Variants in MICAL3 observed in about 807,000 individuals in gnomAD.
MICAL3 encodes the protein [F-actin]-monooxygenase MICAL3.
In MICAL3, 62 loss-of-function variants were observed where a neutral mutation model predicts 207.4. The observed-to-expected ratio is 0.30, with a 90% CI of 0.24 to 0.37. MICAL3 has a LOEUF of 0.37. Among genes scored for constraint, MICAL3 ranks in the 10% least tolerant of loss-of-function variants. The pLI, the probability that MICAL3 is intolerant of heterozygous loss-of-function variation, is 1.00. For missense variants in MICAL3, 2,368 were observed against 2,635.6 expected (o/e 0.90, Z 2.22); for synonymous variants, 1,077 against 1,069.3 (o/e 1.01, Z -0.14).
intron 27 of MICAL3, 59 bp from the exon 28 acceptor site, chr22:17,810,872 G>A (rs1195499151): frequency 7.2e-7 from 1 of 1,397,966 alleles, no homozygotes; most frequent in Non-Finnish European, 1.0e-6. Flanking sequence ...GACAGGGGTG[G>A]GCAGCAGGCC....
At chr22:18,003,420 C>A (rs1001613911) in intron 1 of MICAL3, among the ~76,000 whole-genome samples, 3 of 152,098 alleles carry the variant, frequency 2.0e-5, no homozygotes, top group African/African-American at 7.2e-5. Context: ...ATTAATAATT[C>A]ATTCACCCAA....
intron 20 of MICAL3, among the ~76,000 whole-genome samples, chr22:17,834,724 T>C (rs1055146884): frequency 6.6e-6 from 1 of 152,186 alleles, no homozygotes; most frequent in African/African-American, 2.4e-5. Context: ...CACGGAAAAC[T>C]TGGCATCTGG....
intron 19 of MICAL3, 158 bp from the exon 20 acceptor site, chr22:17,842,175 G>C: frequency 1.5e-6 from 1 of 669,076 alleles, no homozygotes; most frequent in South Asian, 1.9e-5. Context: ...GAAGGACCCT[G>C]GCATGTGAGA....
chr22:17,813,503 G>A (rs1029515375), intron 27 of MICAL3: 1 of 152,216 alleles, frequency 6.6e-6, no homozygotes, highest in African/African-American at 2.4e-5. Context: ...GCCTGCCTCA[G>A]GTGGACCCAC....
In MICAL3 at chr22:17,817,274, C is replaced by A. The variant is rs45526240; in HGVS notation, c.5350+37G>T. Reference sequence around the variant, plus strand: ...GACCCCAGCCCCTCCCGCACCCCTCCCGCTCTGCCTGCACGCGGACCCGGC... The same window carrying A: ...GACCCCAGCCCCTCCCGCACCCCTCACGCTCTGCCTGCACGCGGACCCGGC... On this transcript the variant is annotated intron_variant, in intron 26 of 31. Coordinates refer to ENST00000441493, the MANE Select transcript of MICAL3 (RefSeq NM_015241.3). 5,251 of 1,540,458 alleles carry A rather than the reference C, an allele frequency of 3.4e-3. 18 individuals are homozygous for A. The highest frequency in any genetic ancestry group is 3.6e-3 in the Non-Finnish European group (4,157 of 1,143,330).
At position 18,020,613 on chromosome 22, in the gene MICAL3, TAAA is replaced by T. The variant is rs55654559; in HGVS notation, c.-75+3665_-75+3667del. 1.9e-3 allele frequency among the ~76,000 whole-genome samples: 223 copies of T among 119,734 alleles called. 2 individuals carry two copies. The highest frequency in any genetic ancestry group is 6.9e-3 in the African/African-American group (210 of 30,218). 78.6% of individuals were successfully genotyped at this position (119,734 alleles called of 152,430 possible). A position where few individuals can be genotyped will look rare whatever the true frequency, so the allele number is the denominator to read the frequency against. ...AAAATGGCTGTAAACCTTTAAAAAG[TAAA>T]AAAAAAAAAAAAAAAATAGGCTGGG... On this transcript the variant is annotated intron_variant, in intron 1 of 31. Coordinates refer to ENST00000441493, the MANE Select transcript of MICAL3 (RefSeq NM_015241.3).
chr22:17,948,744 C>CA lies in MICAL3; in HGVS notation c.-74-41859dup, dbSNP rs1218818762. Among the ~76,000 whole-genome samples the CA allele has an allele frequency of 3.3e-5, 5 of 151,642 alleles. No individual in the cohort carries two copies. In the East Asian group the frequency reaches 5.8e-4, roughly 18 times the overall value. On this transcript the variant is annotated intron_variant, in intron 1 of 31. Transcript: ENST00000441493. ...CATGGTGAGTGAGACCCCGTCTTCACAAAAAAATACAAAAATGAGCTGTGC... is the reference window on the plus strand; with the variant it reads ...CATGGTGAGTGAGACCCCGTCTTCACAAAAAAAATACAAAAATGAGCTGTGC...
At chr22:17,842,361 C>T (rs957878440) in intron 19 of MICAL3, 7 of 260,362 alleles carry the variant, frequency 2.7e-5, no homozygotes, top group Non-Finnish European at 3.7e-5. Flanking sequence ...AGCCAGGTGC[C>T]CCTGAAGCAG....
chr22:17,901,783 G>A, intron 5 of MICAL3, 95 bp downstream of exon 5: 4 of 858,290 alleles, frequency 4.7e-6, no homozygotes, highest in Non-Finnish European at 7.2e-6. Flanking sequence ...GCTCTCAAAA[G>A]GGTGGACGCT....
At chr22:17,953,820 A>G (rs1241488184) in intron 1 of MICAL3, among the ~76,000 whole-genome samples, 2 of 151,446 alleles carry the variant, frequency 1.3e-5, no homozygotes, top group Admixed American at 1.3e-4. Context: ...AATCCTAGCT[A>G]TTTGAGAGGC....
At chr22:17,827,836 A>T (rs1476076073) in intron 21 of MICAL3, 55 bp from the exon 22 acceptor site, 8 of 1,502,076 alleles carry the variant, frequency 5.3e-6, no homozygotes. Flanking sequence ...AGGGGATGAA[A>T]TAGCATGGGA....
intron 28 of MICAL3, among the ~76,000 whole-genome samples, chr22:17,810,047 CCTGG>C (rs1308095971): frequency 6.3e-5 from 9 of 142,922 alleles, no homozygotes; most frequent in Admixed American, 3.5e-4. Context: ...CGCCACTATG[CCTGG>C]CTATTTTTTT....
intron 11 of MICAL3, 88 bp downstream of exon 11, chr22:17,893,720 C>T: frequency 1.0e-6 from 1 of 1,003,922 alleles, no homozygotes; most frequent in South Asian, 1.4e-5. Flanking sequence ...CGGCCACTGC[C>T]TCGGACCGCA....
chr22:17,932,088 T>C (rs1225037002), intron 1 of MICAL3, among the ~76,000 whole-genome samples: 2 of 152,072 alleles, frequency 1.3e-5, no homozygotes, highest in African/African-American at 2.4e-5. Flanking sequence ...CTTAGAATAG[T>C]AGGAGAGGCC....
chr22:17,998,806 C>T (rs951373938), intron 1 of MICAL3, among the ~76,000 whole-genome samples: 1 of 152,098 alleles, frequency 6.6e-6, no homozygotes. Flanking sequence ...GCCCGCCTGG[C>T]CTCCCAAAGT....
chr22:17,925,946 T>C (rs1602230545), intron 1 of MICAL3, among the ~76,000 whole-genome samples: 2 of 152,288 alleles, frequency 1.3e-5, no homozygotes, highest in African/African-American at 4.8e-5. Context: ...AAACATTTTC[T>C]AAATCACTGA....
At chr22:17,999,976 TGA>T (rs1273041245) in intron 1 of MICAL3, among the ~76,000 whole-genome samples, 2 of 152,218 alleles carry the variant, frequency 1.3e-5, no homozygotes, top group African/African-American at 4.8e-5. Flanking sequence ...CGGCATCCTC[TGA>T]GAGGGCTGCA....
At chr22:18,015,252 G>A (rs1395702612) in intron 1 of MICAL3, among the ~76,000 whole-genome samples, 4 of 151,936 alleles carry the variant, frequency 2.6e-5, no homozygotes, top group African/African-American at 9.7e-5. Context: ...TGGTTTCTGG[G>A]GCTAATAAAA....
In MICAL3 at chr22:17,871,920, T is replaced by C. The variant is rs942193883; in HGVS notation, c.2345A>G (p.Lys782Arg). Residue 782 changes from lysine to arginine, a missense_variant, in exon 17 of 32, where the codon AAG (lysine) becomes AGG (arginine). This residue lies in a region of MICAL3 where 1,770 missense variants were observed against 1,863.2 expected (regional missense o/e 0.95). Transcript: ENST00000441493. ...YVMERLSAEG[K>R]FFHRSCFKCE... is the part of the protein sequence containing the mutation. The stretch of plus-strand genomic sequence containing the variant: ...CTTGAAGCAGCTCCGGTGGAAGAAC[T>C]TGCCCTCGGCACTCAGCCTCTCCAT... The C allele has an allele frequency of 5.0e-6, 8 of 1,611,498 alleles. No homozygotes were observed. Among genetic ancestry groups the C allele is most frequent in the Non-Finnish European group, 6.8e-6 (8 of 1,179,034 alleles).
Sources: allele counts gnomAD v4.1 joint callset (sites outside exome capture counted in the v4.1 genomes callset), GRCh38; gene constraint gnomAD v4.1.1; regional missense constraint gnomAD v4.1.1; transcripts MANE v1.5; gene names NCBI Gene and HGNC (gene_info 2026-07-23, HGNC 2026-07-21).